The following ZDHHC5 variants were observed in gnomAD, a reference collection of about 807,000 sequenced individuals.
ZDHHC5 encodes zDHHC palmitoyltransferase 5.
Under a neutral mutation model 70.0 loss-of-function variants are expected in ZDHHC5, and 22 were observed. The ratio of observed to expected loss-of-function variants is 0.31; its 90% CI spans 0.22 to 0.45. The LOEUF (loss-of-function observed/expected upper bound fraction) is 0.45, where lower values mean the gene tolerates loss of function less well. Among genes scored for constraint, ZDHHC5 ranks in the 20% least tolerant of loss-of-function variants. The pLI, the probability that ZDHHC5 is intolerant of heterozygous loss-of-function variation, is 1.00. For synonymous variants in ZDHHC5, 313 were observed against 347.8 expected, an observed-to-expected ratio of 0.90 and a Z score of 1.11; for missense variants, 746 against 926.9, an observed-to-expected ratio of 0.80 and a Z score of 2.53.
In ZDHHC5 at chr11:57,690,441, T is replaced by C. The variant is rs1322467555; in HGVS notation, c.660+4T>C. ...GGGACGCACAACCAATGAACAGGTA[T>C]GGAGAAAAGTGACGAGAGACCCCTG... is the stretch of plus-strand genomic sequence containing the variant. On this transcript the variant is annotated splice_donor_region_variant and intron_variant, in intron 6 of 11. Transcript: ENST00000287169. 6 of 1,614,032 alleles carry C rather than the reference T, an allele frequency of 3.7e-6. No homozygotes were observed. The highest frequency in any genetic ancestry group is 5.1e-6 in the Non-Finnish European group (6 of 1,180,030).
chr11:57,697,152 A>C (rs1414665495), intron 10 of ZDHHC5, among the ~76,000 whole-genome samples: 1 of 150,706 alleles, frequency 6.6e-6, no homozygotes, highest in Non-Finnish European at 1.5e-5. Flanking sequence ...AATGTGGTGA[A>C]ACCCCATCTC....
intron 2 of ZDHHC5, among the ~76,000 whole-genome samples, chr11:57,675,245 A>G (rs1946056918): frequency 6.6e-6 from 1 of 152,166 alleles, no homozygotes; most frequent in Admixed American, 6.5e-5. Context: ...GCCTTTGGAG[A>G]AGGAAATTGA....
chr11:57,700,230 A>C lies in ZDHHC5; in HGVS notation c.*199A>C. ...TTGGGGCCCTGAGACTGGGGTAGCAACCCCCCCTTTTATCTTTTAAGACCT... is the reference window on the plus strand; with the variant it reads ...TTGGGGCCCTGAGACTGGGGTAGCACCCCCCCCTTTTATCTTTTAAGACCT... On this transcript the variant is annotated 3_prime_UTR_variant, in exon 12 of 12. Transcript: ENST00000287169. 3.7e-6 allele frequency: 2 copies of C among 541,818 alleles called. No homozygotes were observed. Among genetic ancestry groups the C allele is most frequent in the South Asian group, 4.1e-5 (1 of 24,364 alleles). The allele number at this position is 541,818 out of a possible 1,614,324, so 33.6% of individuals were successfully genotyped here.
intron 4 of ZDHHC5, 93 bp from the exon 5 acceptor site, chr11:57,689,938 C>G (rs1565195685): frequency 7.0e-7 from 1 of 1,433,958 alleles, no homozygotes; most frequent in Non-Finnish European, 9.5e-7. Flanking sequence ...TGACCATGAT[C>G]AAAACTTAGC....
chr11:57,671,530 A>G (rs1946006190), intron 1 of ZDHHC5, among the ~76,000 whole-genome samples: 1 of 152,228 alleles, frequency 6.6e-6, no homozygotes, highest in African/African-American at 2.4e-5. Flanking sequence ...CTACCTCTTC[A>G]GGATTGTAAC....
intron 2 of ZDHHC5, among the ~76,000 whole-genome samples, chr11:57,673,899 CT>C (rs1041234817): frequency 1.3e-5 from 2 of 152,142 alleles, no homozygotes; most frequent in African/African-American, 4.8e-5. Flanking sequence ...ATGCTAATGG[CT>C]TTTTTCCAGG....
chr11:57,688,813 T>A (rs892752067), intron 4 of ZDHHC5, 148 bp downstream of exon 4: 2 of 802,652 alleles, frequency 2.5e-6, no homozygotes, highest in African/African-American at 1.8e-5. Flanking sequence ...GTGTTAATAA[T>A]GACATGGCAT....
chr11:57,698,118 AAC>A (rs113494839), intron 10 of ZDHHC5, among the ~76,000 whole-genome samples: 5,937 of 110,206 alleles, frequency 0.054, 353 homozygotes, highest in African/African-American at 0.14. Context: ...CTGGGCTTAA[AAC>A]ACACACACAC....
intron 2 of ZDHHC5, among the ~76,000 whole-genome samples, chr11:57,676,508 C>CT (rs956776366): frequency 1.3e-5 from 2 of 152,174 alleles, no homozygotes; most frequent in African/African-American, 4.8e-5. Flanking sequence ...GATAAGCCCT[C>CT]TTTGGGGGAG....
chr11:57,686,054 A>C (rs1178747049), intron 3 of ZDHHC5, among the ~76,000 whole-genome samples: 1 of 152,130 alleles, frequency 6.6e-6, no homozygotes, highest in African/African-American at 2.4e-5. Flanking sequence ...TACATTGTGT[A>C]AGAGTAATCA....
chr11:57,690,856 G>A (rs1034386683), intron 6 of ZDHHC5, among the ~76,000 whole-genome samples: 1 of 152,142 alleles, frequency 6.6e-6, no homozygotes, highest in Non-Finnish European at 1.5e-5. Flanking sequence ...TGTGGGGCAG[G>A]GGGAGCGGGG....
At position 57,668,116 on chromosome 11, in the gene ZDHHC5, C is replaced by T; in HGVS notation, c.-1142C>T. On this transcript the variant is annotated 5_prime_UTR_variant, in exon 1 of 12. Coordinates refer to ENST00000287169, the MANE Select transcript of ZDHHC5 (RefSeq NM_015457.3). ...CGTGCGGGGGCCGCGCGCTGCTTCT[C>T]TGAGGCAGGACGGCACTGCCGGGAG... 5.3e-6 allele frequency: 2 copies of T among 375,096 alleles called. No individual in the cohort carries two copies. Among genetic ancestry groups the T allele is most frequent in the Non-Finnish European group, 9.5e-6 (2 of 210,850 alleles). The allele number at this position is 375,096 out of a possible 1,614,324, so 23.2% of individuals were successfully genotyped here.
At chr11:57,693,755 C>CTG (rs747947912) in intron 7 of ZDHHC5, 28 bp from the exon 8 acceptor site, 21 of 439,414 alleles carry the variant, frequency 4.8e-5, no homozygotes, top group African/African-American at 3.4e-4. Flanking sequence ...CTCGCTGTGT[C>CTG]TCTCTCTCTC....
chr11:57,690,278 AGG>A, intron 5 of ZDHHC5, 55 bp from the exon 6 acceptor site: 2 of 1,613,412 alleles, frequency 1.2e-6, no homozygotes, highest in Admixed American at 1.7e-5. Flanking sequence ...TGGCTGCAGT[AGG>A]GGCCGGGGAA....
At chr11:57,688,802 G>A in intron 4 of ZDHHC5, 137 bp downstream of exon 4, 1 of 935,578 alleles carries the variant, frequency 1.1e-6, no homozygotes, top group South Asian at 3.4e-5. Flanking sequence ...TCTGTCAAAT[G>A]GTGTTAATAA....
intron 3 of ZDHHC5, among the ~76,000 whole-genome samples, chr11:57,685,482 A>G (rs950234065): frequency 7.2e-5 from 11 of 151,924 alleles, no homozygotes; most frequent in Admixed American, 2.0e-4. Flanking sequence ...CCCCGTCTCT[A>G]CTAAAAATAT....
rs1946392505 is a variant in ZDHHC5, at chr11:57,698,809, G to A, written c.1373G>A (p.Ser458Asn). The change falls in exon 11 of 12, where the codon AGC (serine) becomes AAC (asparagine). Residue 458 changes from serine (S) to asparagine (N), a missense_variant. Physicochemically the swap from Ser to Asn is conservative, Grantham distance 46. Coordinates refer to ENST00000287169, the MANE Select transcript of ZDHHC5 (RefSeq NM_015457.3). The stretch of plus-strand genomic sequence containing the variant: ...GGCACCACCTCCACCTCCTATAAGA[G>A]CCTGGCCAACCAGACACGCAATGGA... ...SEGTTSTSYKSLANQTRNGSL... is the reference protein window; with the variant it reads ...SEGTTSTSYKNLANQTRNGSL... The A allele has an allele frequency of 2.5e-6, 4 of 1,614,072 alleles. No homozygotes were observed. The highest frequency in any genetic ancestry group is 3.4e-6 in the Non-Finnish European group (4 of 1,180,052).
intron 3 of ZDHHC5, among the ~76,000 whole-genome samples, chr11:57,684,218 G>A (rs562522471): frequency 3.9e-5 from 6 of 152,176 alleles, no homozygotes; most frequent in Admixed American, 3.3e-4. Context: ...CTTGTGATTC[G>A]CCTGCCTCAG....
At position 57,698,853 on chromosome 11, in the gene ZDHHC5, T is replaced by C; in HGVS notation, c.1417T>C (p.Leu473=). Residue 473 remains leucine, a synonymous_variant, in exon 11 of 12, where the codon TTG becomes CTG. Coordinates refer to ENST00000287169, the MANE Select transcript of ZDHHC5 (RefSeq NM_015457.3). ...TRNGSLSYDS[L]LTPSDSPDFE... is the part of the protein sequence containing the mutation. Reference sequence around the variant, plus strand: ...CAATGGAAGCCTATCTTATGACAGCTTGCTCACACCTTCAGACAGCCCTGA... The same window carrying C: ...CAATGGAAGCCTATCTTATGACAGCCTGCTCACACCTTCAGACAGCCCTGA... 6.2e-6 allele frequency: 10 copies of C among 1,614,208 alleles called. No individual in the cohort carries two copies. Among genetic ancestry groups the C allele is most frequent in the Non-Finnish European group, 8.5e-6 (10 of 1,180,038 alleles).
Sources: allele counts gnomAD v4.1 joint callset (sites outside exome capture counted in the v4.1 genomes callset), GRCh38; gene constraint gnomAD v4.1.1; transcripts MANE v1.5; gene names NCBI Gene and HGNC (gene_info 2026-07-23, HGNC 2026-07-21).